The following HERC4 variants were observed in gnomAD, a reference collection of about 807,000 sequenced individuals.
HERC4 encodes the protein HECT and RLD domain containing E3 ubiquitin protein ligase 4.
Under a neutral mutation model 124.3 loss-of-function variants are expected in HERC4, and 28 were observed. The ratio of observed to expected loss-of-function variants is 0.23; its 90% CI spans 0.17 to 0.31. The LOEUF (loss-of-function observed/expected upper bound fraction) is 0.31. Ranked by LOEUF, HERC4 falls within the 10% of genes least tolerant of loss-of-function variation. The pLI, the probability that HERC4 is intolerant of heterozygous loss-of-function variation, is 1.00. For synonymous variants in HERC4, 407 were observed against 421.5 expected (o/e 0.97, Z 0.42); for missense variants, 713 against 1,229.3 (o/e 0.58, Z 6.28).
intron 7 of HERC4, among the ~76,000 whole-genome samples, chr10:68,026,850 AAAT>A (rs1297999027): frequency 6.6e-6 from 1 of 150,806 alleles, no homozygotes; most frequent in Non-Finnish European, 1.5e-5. Flanking sequence ...CAAAAAAAAA[AAAT>A]TAGTTAGGCA....
chr10:68,009,456 T>TA (rs201449330), intron 9 of HERC4, among the ~76,000 whole-genome samples: 16 of 149,842 alleles, frequency 1.1e-4, no homozygotes, highest in South Asian at 4.2e-4. Context: ...CATTGTATCT[T>TA]AAAAAAAAAA....
chr10:68,064,869 G>A (rs891675248), intron 3 of HERC4, among the ~76,000 whole-genome samples: 2 of 151,742 alleles, frequency 1.3e-5, no homozygotes, highest in African/African-American at 4.8e-5. Context: ...CTACTCAGGA[G>A]GCTGAGACAG....
intron 9 of HERC4, among the ~76,000 whole-genome samples, chr10:68,009,216 C>T (rs920400574): frequency 6.6e-6 from 1 of 150,400 alleles, no homozygotes; most frequent in African/African-American, 2.4e-5. Flanking sequence ...CAGAGCAAGA[C>T]TCTGTCTCAT....
chr10:67,995,818 T>A (rs1480982871), intron 9 of HERC4, among the ~76,000 whole-genome samples: 4 of 152,234 alleles, frequency 2.6e-5, no homozygotes, highest in African/African-American at 9.6e-5. Context: ...AATTCATTTA[T>A]AGTTTATCTT....
intron 22 of HERC4, among the ~76,000 whole-genome samples, chr10:67,933,900 A>C (rs1467272073): frequency 6.6e-6 from 1 of 152,180 alleles, no homozygotes; most frequent in Non-Finnish European, 1.5e-5. Context: ...TTAAAGTTAT[A>C]AAGCATCTAA....
At chr10:67,956,833 C>T (rs780935078) in intron 17 of HERC4, 45 bp downstream of exon 17, 1 of 1,249,424 alleles carries the variant, frequency 8.0e-7, no homozygotes, top group South Asian at 1.4e-5. Flanking sequence ...CCAGAAACAT[C>T]AAAGAAACAA....
At chr10:67,958,050 G>A (rs756246047) in intron 16 of HERC4, among the ~76,000 whole-genome samples, 41 of 151,992 alleles carry the variant, frequency 2.7e-4, no homozygotes, top group Non-Finnish European at 4.9e-4. Flanking sequence ...CTCATGATCC[G>A]CCCACCTCGG....
At chr10:68,059,858 AATATTAT>A (rs1403459394) in intron 3 of HERC4, among the ~76,000 whole-genome samples, 1 of 91,452 alleles carries the variant, frequency 1.1e-5, no homozygotes, top group Admixed American at 1.7e-4. Flanking sequence ...TATATATCAT[AATATTAT>A]ATATTATAAT....
rs112967578 is a variant in HERC4, at chr10:68,030,078, C to T, written c.777+2700G>A. ...AATCACATGTAACAGTTTCTAGATT[C>T]CAAAGTCAAAAATTGTAAGGCAAGG... On this transcript the variant is annotated intron_variant, in intron 7 of 24. Transcript: ENST00000373700. 4.2e-3 allele frequency among the ~76,000 whole-genome samples: 640 copies of T among 152,020 alleles called. 5 individuals carry two copies. The highest frequency in any genetic ancestry group is 0.014 in the African/African-American group (589 of 41,474).
At chr10:68,057,422 G>A (rs775877895) in intron 3 of HERC4, among the ~76,000 whole-genome samples, 8 of 151,896 alleles carry the variant, frequency 5.3e-5, no homozygotes, top group Admixed American at 3.3e-4. Flanking sequence ...TCAGGAGTTC[G>A]AGAGCAGCCT....
chr10:68,004,126 C>T (rs2037400788), intron 9 of HERC4, among the ~76,000 whole-genome samples: 1 of 152,054 alleles, frequency 6.6e-6, no homozygotes, highest in African/African-American at 2.4e-5. Flanking sequence ...ACCTGTTAGC[C>T]ATTTGTATAC....
intron 22 of HERC4, among the ~76,000 whole-genome samples, chr10:67,935,439 G>A (rs1349826770): frequency 3.3e-5 from 5 of 152,012 alleles, no homozygotes; most frequent in African/African-American, 9.7e-5. Context: ...GTCACTGTGC[G>A]GGGCCTATGG....
At chr10:67,960,288 T>C (rs1434038103) in intron 16 of HERC4, among the ~76,000 whole-genome samples, 1 of 152,254 alleles carries the variant, frequency 6.6e-6, no homozygotes, top group Non-Finnish European at 1.5e-5. Context: ...ACAGAAGCTC[T>C]GCCTCTGGTT....
At chr10:68,060,742 C>T (rs1314751205) in intron 3 of HERC4, among the ~76,000 whole-genome samples, 1 of 152,136 alleles carries the variant, frequency 6.6e-6, no homozygotes, top group Non-Finnish European at 1.5e-5. Flanking sequence ...ACCACTCAGG[C>T]TTCTACCTAG....
intron 15 of HERC4, among the ~76,000 whole-genome samples, chr10:67,984,271 C>T (rs949866858): frequency 6.7e-6 from 1 of 149,006 alleles, no homozygotes; most frequent in Non-Finnish European, 1.5e-5. Context: ...CACTGTACTC[C>T]ACCCTGGACG....
chr10:67,962,378 T>C (rs1416934691), intron 16 of HERC4, among the ~76,000 whole-genome samples: 3 of 152,146 alleles, frequency 2.0e-5, no homozygotes, highest in African/African-American at 7.2e-5. Flanking sequence ...TACATGTAAG[T>C]AGATATAGAT....
At chr10:68,047,391 G>A (rs1234755256) in intron 3 of HERC4, among the ~76,000 whole-genome samples, 3 of 152,096 alleles carry the variant, frequency 2.0e-5, no homozygotes, top group Non-Finnish European at 4.4e-5. Flanking sequence ...TTTTCCATAT[G>A]GGTTAAGCTT....
At chr10:68,074,264 G>T (rs2041704895) in intron 1 of HERC4, 1 of 152,128 alleles carries the variant, frequency 6.6e-6, no homozygotes, top group African/African-American at 2.4e-5. Flanking sequence ...GCCTTATTCT[G>T]TAGCAGTCAT....
In HERC4 at chr10:67,992,262, T is replaced by C. The variant is rs1425078252; in HGVS notation, c.1208A>G (p.Asn403Ser). The change falls in exon 11 of 25, where the codon AAT (asparagine) becomes AGT (serine). Residue 403 changes from asparagine (N) to serine (S), a missense_variant. Asn to Ser is a conservative substitution (Grantham distance 46). Transcript: ENST00000373700. ...PNPTKQIWTV[N>S]EALIQKWLSY... is the part of the protein sequence containing the mutation. ...CAGCCATTTCTGAATTAGAGCTTCATTCACTGTCCAGATCTGCTTTGTCGG... is the reference window on the plus strand; with the variant it reads ...CAGCCATTTCTGAATTAGAGCTTCACTCACTGTCCAGATCTGCTTTGTCGG... 2.4e-5 allele frequency: 38 copies of C among 1,614,028 alleles called. No individual in the cohort carries two copies. Among genetic ancestry groups the C allele is most frequent in the Non-Finnish European group, 3.1e-5 (37 of 1,179,998 alleles).
Sources: gnomAD v4.1 joint callset for allele counts (sites outside exome capture counted in the v4.1 genomes callset) on GRCh38, gnomAD v4.1.1 for gene constraint, MANE v1.5 for transcripts, NCBI Gene and HGNC (gene_info 2026-07-23, HGNC 2026-07-21) for gene names.